The following EXT2 variants were observed in gnomAD, a reference collection of about 807,000 sequenced individuals.
The protein encoded by EXT2 is exostosin glycosyltransferase 2.
A neutral mutation model predicts 81.6 loss-of-function variants in EXT2; 53 were observed. That is an observed-to-expected ratio of 0.65 (90% CI 0.52 to 0.82). The LOEUF is 0.82. Among genes scored for constraint, EXT2 ranks in the 40% least tolerant of loss-of-function variants. EXT2 has a pLI of 0.00. For missense variants in EXT2, 774 were observed against 910.2 expected (o/e 0.85, Z 1.93); for synonymous variants, 320 against 340.0 (o/e 0.94, Z 0.65).
intron 10 of EXT2, among the ~76,000 whole-genome samples, chr11:44,207,538 A>T (rs571393493): frequency 3.3e-5 from 5 of 152,328 alleles, no homozygotes; most frequent in Admixed American, 3.3e-4. Flanking sequence ...AGGCCTGGTG[A>T]AAAGCAATAG....
intron 5 of EXT2, 91 bp downstream of exon 5, chr11:44,125,075 C>T: frequency 1.6e-6 from 2 of 1,249,272 alleles, no homozygotes; most frequent in Admixed American, 3.5e-5. Context: ...TTGTTTTCAG[C>T]ATGCAACTAG....
intron 10 of EXT2, among the ~76,000 whole-genome samples, chr11:44,228,442 T>A (rs1209921725): frequency 6.6e-6 from 1 of 152,206 alleles, no homozygotes; most frequent in African/African-American, 2.4e-5. Flanking sequence ...GTTTGAGCTC[T>A]TGCTCGTCTG....
rs200631641 is a variant in EXT2, at chr11:44,124,964, G to T, written c.919G>T (p.Asp307Tyr). The T allele has an allele frequency of 1.2e-6, 2 of 1,612,976 alleles. No homozygotes were observed. Among genetic ancestry groups the T allele is most frequent in the Admixed American group, 1.7e-5 (1 of 60,008 alleles). The change falls in exon 5 of 14, where the codon GAT becomes TAT. Residue 307 changes from aspartate (D) to tyrosine (Y), a missense_variant. By Grantham distance (160) the Asp-to-Tyr change is radical. This residue lies in a region of EXT2 where 626 missense variants were observed against 670.5 expected (regional missense o/e 0.93). Transcript: ENST00000533608. ...RKRCHKHQVF[D>Y]YPQVLQEATF... ...GCGCTGCCACAAGCACCAGGTCTTC[G>T]ATTACCCACAGGTGCTACAGGTGAG...
chr11:44,176,570 T>C (rs1955161241), intron 8 of EXT2, among the ~76,000 whole-genome samples: 1 of 152,212 alleles, frequency 6.6e-6, no homozygotes, highest in African/African-American at 2.4e-5. Flanking sequence ...CAGTGGGTTA[T>C]ACATTTCTCC....
At chr11:44,148,933 T>A (rs1954756632) in intron 7 of EXT2, among the ~76,000 whole-genome samples, 1 of 152,218 alleles carries the variant, frequency 6.6e-6, no homozygotes, top group Middle Eastern at 3.2e-3. Context: ...TACACTGAGG[T>A]AAATACATTT....
intron 7 of EXT2, among the ~76,000 whole-genome samples, chr11:44,156,264 T>C (rs1954854192): frequency 6.6e-6 from 1 of 152,152 alleles, no homozygotes; most frequent in Admixed American, 6.5e-5. Context: ...AATATTGATA[T>C]CTTGCTGCAG....
At chr11:44,102,140 A>T (rs1332120349) in intron 1 of EXT2, among the ~76,000 whole-genome samples, 1 of 152,122 alleles carries the variant, frequency 6.6e-6, no homozygotes, top group Non-Finnish European at 1.5e-5. Context: ...ATAGGCAGAC[A>T]TTCTCCCATC....
In EXT2 at chr11:44,109,126, C is replaced by G. The variant is rs1177089048; in HGVS notation, c.537-68C>G. 4 of 1,545,870 alleles carry G rather than the reference C, an allele frequency of 2.6e-6. No individual in the cohort carries two copies. The African/African-American group carries it at 4.1e-5, about 16-fold the overall frequency. On this transcript the variant is annotated intron_variant, in intron 2 of 13. Coordinates refer to ENST00000533608, the MANE Select transcript of EXT2 (RefSeq NM_207122.2). ...CTTGGGGATCCTTGATAGTTGTTGT[C>G]TAGTAACTGACTCTTGTCTTTTCAT...
chr11:44,127,167 A>G (rs969275708), intron 6 of EXT2, among the ~76,000 whole-genome samples: 11 of 152,196 alleles, frequency 7.2e-5, no homozygotes, highest in Non-Finnish European at 1.5e-4. Flanking sequence ...GTCAAGTTTT[A>G]TTGAAACACA....
chr11:44,113,647 ACT>A, intron 3 of EXT2, among the ~76,000 whole-genome samples: 1 of 152,268 alleles, frequency 6.6e-6, no homozygotes. Flanking sequence ...TTGACATGTA[ACT>A]CTGAGATGAT....
chr11:44,181,242 A>T (rs1955232003), intron 8 of EXT2, among the ~76,000 whole-genome samples: 1 of 152,204 alleles, frequency 6.6e-6, no homozygotes, highest in African/African-American at 2.4e-5. Context: ...AATCTCAAAA[A>T]GTGAGATGTC....
chr11:44,097,758 CAAA>C, intron 1 of EXT2, among the ~76,000 whole-genome samples: 1 of 52,244 alleles, frequency 1.9e-5, no homozygotes, highest in Non-Finnish European at 3.1e-5. Context: ...GACTCCATCT[CAAA>C]AAATAAATAA....
chr11:44,181,339 C>T lies in EXT2; in HGVS notation c.1305+9597C>T, dbSNP rs183092468. ...TGTGTTCTAAAATTTTATGATGATA[C>T]GCCCTGACGTGGGTGTTTTCTGCTA... is the stretch of plus-strand genomic sequence containing the variant. On this transcript the variant is annotated intron_variant, in intron 8 of 13. Coordinates refer to ENST00000533608, the MANE Select transcript of EXT2 (RefSeq NM_207122.2). Among the ~76,000 whole-genome samples the T allele has an allele frequency of 1.0e-3, 159 of 152,138 alleles. 1 individual carries two copies. Among genetic ancestry groups the T allele is most frequent in the African/African-American group, 3.8e-3 (156 of 41,500 alleles).
At chr11:44,151,966 T>C (rs911945972) in intron 7 of EXT2, among the ~76,000 whole-genome samples, 1 of 152,262 alleles carries the variant, frequency 6.6e-6, no homozygotes, top group South Asian at 2.1e-4. Flanking sequence ...CTTAATGATA[T>C]GTGATATTGA....
chr11:44,186,998 C>A (rs1019600061), intron 8 of EXT2, among the ~76,000 whole-genome samples: 4 of 127,192 alleles, frequency 3.1e-5, no homozygotes, highest in South Asian at 3.0e-4. Flanking sequence ...TCCTTCCTTC[C>A]TTCCTTCCTT....
chr11:44,101,264 A>G (rs143199040), intron 1 of EXT2, among the ~76,000 whole-genome samples: 3 of 152,330 alleles, frequency 2.0e-5, no homozygotes, highest in Non-Finnish European at 2.9e-5. Context: ...CAGTCTTGGT[A>G]TGCGGCTGGG....
At chr11:44,096,814 A>G (rs762772859) in intron 1 of EXT2, among the ~76,000 whole-genome samples, 3 of 152,236 alleles carry the variant, frequency 2.0e-5, no homozygotes, top group Non-Finnish European at 2.9e-5. Context: ...ATGTGAAGAT[A>G]TGGTCTTGAA....
At chr11:44,182,591 C>A (rs1055006551) in intron 8 of EXT2, among the ~76,000 whole-genome samples, 1 of 152,146 alleles carries the variant, frequency 6.6e-6, no homozygotes, top group African/African-American at 2.4e-5. Flanking sequence ...TCTGTGTACT[C>A]TTCACCCAGA....
intron 4 of EXT2, among the ~76,000 whole-genome samples, chr11:44,122,440 C>A (rs926194663): frequency 6.6e-6 from 1 of 152,084 alleles, no homozygotes; most frequent in Non-Finnish European, 1.5e-5. Context: ...AGATGAACTG[C>A]GGGTGCTCCC....
Sources: allele counts gnomAD v4.1 joint callset (sites outside exome capture counted in the v4.1 genomes callset), GRCh38; gene constraint gnomAD v4.1.1; regional missense constraint gnomAD v4.1.1; transcripts MANE v1.5; gene names NCBI Gene and HGNC (gene_info 2026-07-23, HGNC 2026-07-21).